Variants in CEP131 observed in about 807,000 individuals in gnomAD.
The protein encoded by CEP131 is centrosomal protein of 131 kDa.
In CEP131, 99 loss-of-function variants were observed where a neutral mutation model predicts 136.8. That is an observed-to-expected ratio of 0.72 (90% CI 0.62 to 0.86). The LOEUF is 0.86. CEP131 is among the 40% of genes least tolerant of loss of function. CEP131 has a pLI of 0.00. For synonymous variants in CEP131, 646 were observed against 612.7 expected, an observed-to-expected ratio of 1.05 and a Z score of -0.80; for missense variants, 1,459 against 1,463.0, an observed-to-expected ratio of 1.00 and a Z score of 0.04.
intron 7 of CEP131, among the ~76,000 whole-genome samples, chr17:81,201,206 G>C (rs1268479232): frequency 6.6e-6 from 1 of 152,196 alleles, no homozygotes; most frequent in Non-Finnish European, 1.5e-5. Flanking sequence ...GCAGAACTGG[G>C]GGGCTTCAAG....
intron 2 of CEP131, among the ~76,000 whole-genome samples, chr17:81,217,727 G>GCCCCA: frequency 6.6e-6 from 1 of 152,148 alleles, no homozygotes; most frequent in South Asian, 2.1e-4. Flanking sequence ...CATGAACGAG[G>GCCCCA]GGACTGTTAG....
chr17:81,195,893 T>C lies in CEP131; in HGVS notation c.1958A>G (p.Lys653Arg). Residue 653 changes from lysine (K) to arginine (R), a missense_variant, in exon 16 of 26, where the codon AAG (lysine) becomes AGG (arginine). Around this residue, in one of 3 missense-constraint regions of CEP131, gnomAD observed 1,026 missense variants for 964.2 expected, o/e 1.06. Transcript: ENST00000450824. ...EKCEAVVAEL[K>R]QEDQRCTERV... ...CTCGGTGCATCTCTGGTCCTCCTGC[T>C]TCAGCTCGGCCACCACAGCCTCGCA... The C allele has an allele frequency of 6.2e-7, 1 of 1,609,738 alleles. No homozygotes were observed. Among genetic ancestry groups the C allele is most frequent in the Non-Finnish European group, 8.5e-7 (1 of 1,179,930 alleles).
rs2061909583 is a variant in CEP131, at chr17:81,202,290, GCC to G, written c.736_737del (p.Gly246GlnfsTer16). 7 of 1,611,992 alleles carry G rather than the reference GCC, an allele frequency of 4.3e-6. No individual in the cohort carries two copies. The highest frequency in any genetic ancestry group is 5.9e-6 in the Non-Finnish European group (7 of 1,179,342). ...ATHSARNNTG[G>X]STGLPRRKEV... ...CCTTCCGCCTGGGCAAGCCCGTGCTGCCCCCAGTATTGTTCCGGGCTGAGTGG... is the reference window on the plus strand; with the variant it reads ...CCTTCCGCCTGGGCAAGCCCGTGCTGCCCAGTATTGTTCCGGGCTGAGTGG... On this transcript the variant is annotated frameshift_variant, in exon 7 of 26. Transcript: ENST00000450824. LOFTEE classifies it high-confidence loss of function.
rs1285887472 is a variant in CEP131 at position 81,203,040 on chromosome 17, C to T, written c.629+454G>A. On this transcript the variant is annotated intron_variant, in intron 6 of 25. Transcript: ENST00000450824. The surrounding 1 kb of genome is among the most constrained non-coding windows in gnomAD (Gnocchi z 4.6). Reference sequence around the variant, plus strand: ...AGAGCCTGAGGGACCCCTGAGCAACCCCAAGGCCATCCCCAATCCCCGCAA... The same window carrying T: ...AGAGCCTGAGGGACCCCTGAGCAACTCCAAGGCCATCCCCAATCCCCGCAA... Among the ~76,000 whole-genome samples the T allele has an allele frequency of 1.3e-5, 2 of 152,180 alleles. No homozygotes were observed. Among genetic ancestry groups the T allele is most frequent in the African/African-American group, 4.8e-5 (2 of 41,450 alleles).
chr17:81,192,685 G>GGGGCCC, intron 19 of CEP131, 51 bp downstream of exon 19: 1 of 478,434 alleles, frequency 2.1e-6, no homozygotes, highest in Non-Finnish European at 4.1e-6. Context: ...GGGGGGAGGG[G>GGGGCCC]TCAGCCAGCG....
chr17:81,193,875 G>A lies in CEP131; in HGVS notation c.2321+51C>T, dbSNP rs1346770865. ...CTCCACTCCAGCCTTCGAGGATTCC[G>A]ACTCCCCGCCCTGAGGGTCCTGGCC... is the stretch of plus-strand genomic sequence containing the variant. On this transcript the variant is annotated intron_variant, in intron 18 of 25. Coordinates refer to ENST00000450824, the MANE Select transcript of CEP131 (RefSeq NM_014984.4). 25 of 1,515,152 alleles carry A rather than the reference G, an allele frequency of 1.7e-5. No homozygotes were observed. The African/African-American group carries it at 1.7e-4, about 10-fold the overall frequency. 93.9% of individuals were successfully genotyped at this position (1,515,152 alleles called of 1,614,324 possible).
In CEP131 at chr17:81,191,027, C is replaced by T. The variant is rs756858197; in HGVS notation, c.2823G>A (p.Glu941=). 6.2e-7 allele frequency: 1 copy of T among 1,610,710 alleles called. No homozygotes were observed. The highest frequency in any genetic ancestry group is 8.5e-7 in the Non-Finnish European group (1 of 1,179,826). Residue 941 remains glutamate, a synonymous_variant, in exon 23 of 26, where the codon GAG becomes GAA. Coordinates refer to ENST00000450824, the MANE Select transcript of CEP131 (RefSeq NM_014984.4). ...CCGAGCACCGCTCCTGAAGCTTCCGCTCCGACTGCTCCAGCTCGGAGAGCT... is the reference window on the plus strand; with the variant it reads ...CCGAGCACCGCTCCTGAAGCTTCCGTTCCGACTGCTCCAGCTCGGAGAGCT... The part of the protein sequence containing the change: ...EAELSELEQS[E]RKLQERCSEL...
intron 1 of CEP131, 143 bp from the exon 2 acceptor site, chr17:81,220,216 G>A: frequency 1.7e-6 from 1 of 578,228 alleles, no homozygotes; most frequent in Non-Finnish European, 2.6e-6. Context: ...GCACCCCTCT[G>A]GCTGGTGGCA....
In CEP131 at chr17:81,189,985, G is replaced by A; in HGVS notation, c.3108-10C>T. 1 of 1,600,200 alleles carries A rather than the reference G, an allele frequency of 6.2e-7. No homozygotes were observed. The highest frequency in any genetic ancestry group is 1.1e-5 in the South Asian group (1 of 90,116). The stretch of plus-strand genomic sequence containing the variant: ...GAGGGCTGTCTTCACCCTGTGGGTA[G>A]TACATGGTAGGCTTCAGTGTGGCCC... On this transcript the variant is annotated splice_polypyrimidine_tract_variant and intron_variant, in intron 24 of 25. Transcript: ENST00000450824.
intron 18 of CEP131, 88 bp downstream of exon 18, chr17:81,193,838 T>C: frequency 2.1e-6 from 3 of 1,412,854 alleles, no homozygotes; most frequent in Non-Finnish European, 1.9e-6. Flanking sequence ...CTCGCCCACC[T>C]CTACATGGGA....
Position 81,202,313 on chromosome 17 carries a change from AG to A in CEP131, c.714del (p.Ser239GlnfsTer18). 1 of 1,613,582 alleles carries A rather than the reference AG, an allele frequency of 6.2e-7. No homozygotes were observed. Among genetic ancestry groups the A allele is most frequent in the Non-Finnish European group, 8.5e-7 (1 of 1,179,904 alleles). Reference sequence around the variant, plus strand: ...CTGCCCCCAGTATTGTTCCGGGCTGAGTGGGTGGCACTGGAGACATTCTTCG... The same window carrying A: ...CTGCCCCCAGTATTGTTCCGGGCTGATGGGTGGCACTGGAGACATTCTTCG... ...KLPKNVSSAT[H>X]SARNNTGGST... On this transcript the variant is annotated frameshift_variant, in exon 7 of 26. Coordinates refer to ENST00000450824, the MANE Select transcript of CEP131 (RefSeq NM_014984.4). LOFTEE classifies it high-confidence loss of function.
chr17:81,199,527 A>G lies in CEP131; in HGVS notation c.1046T>C (p.Leu349Pro). ...AIQELQQKRA[L>P]RAQKASTAER... Reference sequence around the variant, plus strand: ...GGCAGTGCTCGCCTTCTGGGCTCTCAGGGCTCGTTTCTGTTGCAGCTCCTG... The same window carrying G: ...GGCAGTGCTCGCCTTCTGGGCTCTCGGGGCTCGTTTCTGTTGCAGCTCCTG... Residue 349 changes from leucine (L) to proline (P), a missense_variant, in exon 10 of 26, where the codon CTG becomes CCG. By Grantham distance (98) the Leu-to-Pro change is moderately conservative. Transcript: ENST00000450824. 6.2e-7 allele frequency: 1 copy of G among 1,607,534 alleles called. No individual in the cohort carries two copies.
At chr17:81,213,106 A>C (rs75322129) in intron 2 of CEP131, among the ~76,000 whole-genome samples, 2 of 152,322 alleles carry the variant, frequency 1.3e-5, no homozygotes, top group East Asian at 3.9e-4. Context: ...TCAGAAGACA[A>C]AGTGATGGGC....
intron 5 of CEP131, among the ~76,000 whole-genome samples, chr17:81,204,965 A>C (rs1314606887): frequency 6.6e-6 from 1 of 152,204 alleles, no homozygotes; most frequent in Non-Finnish European, 1.5e-5. Context: ...AATGTTTTCA[A>C]TAAAACACTA....
chr17:81,218,035 CTCTT>C (rs771110776), intron 2 of CEP131, among the ~76,000 whole-genome samples: 19 of 151,420 alleles, frequency 1.3e-4, no homozygotes, highest in African/African-American at 2.2e-4. Context: ...CTCCCCCTCC[CTCTT>C]TCTTTCTTTC....
rs2061699075 is a variant in CEP131, at chr17:81,193,987, C to T, written c.2260G>A (p.Glu754Lys). 2 of 1,550,790 alleles carry T rather than the reference C, an allele frequency of 1.3e-6. No homozygotes were observed. Among genetic ancestry groups the T allele is most frequent in the Non-Finnish European group, 8.7e-7 (1 of 1,148,644 alleles). ...RCLRQAEELREQLEREKEALG... is the reference protein window; with the variant it reads ...RCLRQAEELRKQLEREKEALG... ...GCCTCCTTCTCCCGCTCCAGCTGCT[C>T]CCGCAGCTCCTCGGCCTGGCGCAGG... Residue 754 changes from glutamate (E) to lysine (K), a missense_variant, in exon 18 of 26, where the codon GAG becomes AAG. Transcript: ENST00000450824.
intron 18 of CEP131, among the ~76,000 whole-genome samples, 176 bp downstream of exon 18, chr17:81,193,750 G>A (rs1567849758): frequency 6.6e-6 from 1 of 152,188 alleles, no homozygotes; most frequent in Non-Finnish European, 1.5e-5. Flanking sequence ...GAGGACACTG[G>A]CCCGGCTGAG....
rs2062071023 is a variant in CEP131, at chr17:81,208,831, G to C, written c.272+97C>G. 17 of 961,408 alleles carry C rather than the reference G, an allele frequency of 1.8e-5. No homozygotes were observed. In the East Asian group the frequency reaches 4.3e-4, roughly 24 times the overall value. The allele number at this position is 961,408 out of a possible 1,614,324, so 59.6% of individuals were successfully genotyped here. On this transcript the variant is annotated intron_variant, in intron 3 of 25. Transcript: ENST00000450824. The surrounding 1 kb of genome is among the most constrained non-coding windows in gnomAD (Gnocchi z 5.6). ...CAAGGGCCCGGGACCCAGGAGGCTG[G>C]AGGAAGGGCAGAGCAGAGGCAGGGA...
chr17:81,198,096 G>C lies in CEP131; in HGVS notation c.1470+19C>G. On this transcript the variant is annotated intron_variant, in intron 12 of 25. Coordinates refer to ENST00000450824, the MANE Select transcript of CEP131 (RefSeq NM_014984.4). ...CGTGGGTGGACAGACTGTGCAGGGCGGGCGCACACCGTGGTCACCTCGCTG... is the reference window on the plus strand; with the variant it reads ...CGTGGGTGGACAGACTGTGCAGGGCCGGCGCACACCGTGGTCACCTCGCTG... 6.5e-7 allele frequency: 1 copy of C among 1,543,920 alleles called. No homozygotes were observed. The highest frequency in any genetic ancestry group is 1.2e-5 in the South Asian group (1 of 84,286).
Sources: gnomAD v4.1 joint callset for allele counts (sites outside exome capture counted in the v4.1 genomes callset) on GRCh38, gnomAD v4.1.1 for gene constraint, gnomAD v4.1.1 regional missense constraint, Gnocchi (gnomAD v3.1) non-coding constraint, MANE v1.5 for transcripts, NCBI Gene and HGNC (gene_info 2026-07-23, HGNC 2026-07-21) for gene names.